Variants in FAM118A observed in about 807,000 individuals in gnomAD.
FAM118A encodes SIR2 antiphage like 2.
FAM118A carries 25 observed loss-of-function variants against 38.2 expected under a neutral mutation model. The ratio of observed to expected loss-of-function variants is 0.65; its 90% CI spans 0.48 to 0.91. The LOEUF (loss-of-function observed/expected upper bound fraction) is 0.91, where lower values mean the gene tolerates loss of function less well. Ranked by LOEUF, FAM118A falls within the 40% of genes least tolerant of loss-of-function variation. The pLI is 0.00. For missense variants in FAM118A, 425 were observed against 463.3 expected (o/e 0.92, Z 0.76); for synonymous variants, 178 against 184.1 (o/e 0.97, Z 0.27).
chr22:45,340,303 G>C, intron 8 of FAM118A, 83 bp from the exon 9 acceptor site: 1 of 1,535,098 alleles, frequency 6.5e-7, no homozygotes, highest in Non-Finnish European at 9.0e-7. Context: ...TTGTAAAGCA[G>C]TTTCTGAAAT....
intron 8 of FAM118A, among the ~76,000 whole-genome samples, chr22:45,336,987 A>G: frequency 6.6e-6 from 1 of 152,252 alleles, no homozygotes; most frequent in East Asian, 1.9e-4. Flanking sequence ...GTATTTGAAT[A>G]GGCCTCTCTG....
chr22:45,325,098 G>A (rs1234773581), intron 3 of FAM118A, among the ~76,000 whole-genome samples: 1 of 152,166 alleles, frequency 6.6e-6, no homozygotes, highest in Non-Finnish European at 1.5e-5. Context: ...ACCCGTCATA[G>A]GAAGAAGAAG....
At chr22:45,337,858 C>T (rs189218490) in intron 8 of FAM118A, 11 of 985,222 alleles carry the variant, frequency 1.1e-5, no homozygotes, top group African/African-American at 3.5e-5. Context: ...CTCATGCTCG[C>T]GGGAGTTTTG....
chr22:45,332,684 C>G lies in FAM118A; in HGVS notation c.911C>G (p.Thr304Ser), dbSNP rs768186599. 1 of 1,609,184 alleles carries G rather than the reference C, an allele frequency of 6.2e-7. No homozygotes were observed. Among genetic ancestry groups the G allele is most frequent in the Non-Finnish European group, 8.5e-7 (1 of 1,176,572 alleles). The change falls in exon 6 of 9, where the codon ACT becomes AGT. Residue 304 changes from threonine (T) to serine (S), a missense_variant. Transcript: ENST00000441876. ...CCAGGATATGTGCAAGACCTTGCCA[C>G]TCAGATCTGCAAACAGCAAAGCCCA... ...HFPGYVQDLA[T>S]QICKQQSPDA...
intron 3 of FAM118A, among the ~76,000 whole-genome samples, chr22:45,326,782 G>A (rs1186993946): frequency 7.3e-6 from 1 of 137,616 alleles, no homozygotes; most frequent in East Asian, 2.2e-4. Flanking sequence ...CCAAGATCAC[G>A]CCACTGCATT....
chr22:45,335,459 C>A, intron 7 of FAM118A, 77 bp downstream of exon 7: 1 of 1,528,222 alleles, frequency 6.5e-7, no homozygotes, highest in South Asian at 1.1e-5. Flanking sequence ...ACTGTAAAAT[C>A]ATAAACGTTT....
intron 3 of FAM118A, 100 bp from the exon 4 acceptor site, chr22:45,327,742 T>A (rs928903450): frequency 6.6e-5 from 81 of 1,230,982 alleles, no homozygotes; most frequent in Admixed American, 3.2e-4. Context: ...TTCTTTGTTT[T>A]CAGCCGCTGT....
intron 8 of FAM118A, 125 bp downstream of exon 8, chr22:45,336,536 T>C (rs1247776391): frequency 2.9e-6 from 2 of 695,092 alleles, no homozygotes; most frequent in African/African-American, 3.6e-5. Context: ...ATACGTTCTG[T>C]CAGGGCCAGA....
intron 1 of FAM118A, among the ~76,000 whole-genome samples, chr22:45,319,721 C>T (rs1451513513): frequency 1.3e-5 from 2 of 152,036 alleles, no homozygotes; most frequent in Admixed American, 6.6e-5. Flanking sequence ...CGGAGAAACT[C>T]AACTTCTGTT....
chr22:45,337,717 G>C (rs910720705), intron 8 of FAM118A: 21 of 463,742 alleles, frequency 4.5e-5, no homozygotes, highest in Admixed American at 6.4e-5. Flanking sequence ...CCTTCTCTCT[G>C]AGATGGAGGC....
chr22:45,316,896 A>C (rs2084631247), intron 1 of FAM118A, among the ~76,000 whole-genome samples: 1 of 152,202 alleles, frequency 6.6e-6, no homozygotes, highest in African/African-American at 2.4e-5. Flanking sequence ...GGTGAGTTAA[A>C]GGTGAGCATT....
chr22:45,325,643 A>G (rs1385429115), intron 3 of FAM118A, among the ~76,000 whole-genome samples: 1 of 152,070 alleles, frequency 6.6e-6, no homozygotes, highest in African/African-American at 2.4e-5. Context: ...TCTGGAAAGG[A>G]TCCAGGTCTT....
chr22:45,336,458 G>A (rs2086103151), intron 8 of FAM118A, 47 bp downstream of exon 8: 3 of 1,478,138 alleles, frequency 2.0e-6, no homozygotes, highest in Non-Finnish European at 2.8e-6. Context: ...GGTCTCTCTT[G>A]TTGGCAGGCA....
chr22:45,323,572 C>T, intron 3 of FAM118A, 145 bp downstream of exon 3: 8 of 1,058,752 alleles, frequency 7.6e-6, no homozygotes, highest in Non-Finnish European at 1.1e-5. Flanking sequence ...ATCCTTGAGT[C>T]CATCGGGGTG....
chr22:45,309,133 C>A (rs886565660), upstream of FAM118A: 5 of 152,240 alleles, frequency 3.3e-5, no homozygotes, highest in African/African-American at 1.2e-4. Flanking sequence ...GACAGGGATG[C>A]GCGAGGAGTC....
intron 1 of FAM118A, among the ~76,000 whole-genome samples, chr22:45,314,217 G>A (rs1024394721): frequency 1.3e-5 from 2 of 152,038 alleles, no homozygotes; most frequent in African/African-American, 4.8e-5. Context: ...TTCCCACCCC[G>A]CCCCCCAAGC....
At chr22:45,329,614 A>G (rs1244841738) in intron 4 of FAM118A, 1 of 152,276 alleles carries the variant, frequency 6.6e-6, no homozygotes, top group Admixed American at 6.5e-5. Flanking sequence ...CGCTCTGTGT[A>G]CAAAGAGACT....
At chr22:45,338,023 G>T (rs1237087675) in intron 8 of FAM118A, 1 of 368,978 alleles carries the variant, frequency 2.7e-6, no homozygotes, top group East Asian at 1.6e-4. Flanking sequence ...CCCTTGATTA[G>T]AAATTCAATG....
intron 1 of FAM118A, among the ~76,000 whole-genome samples, chr22:45,320,135 G>GGTGT (rs766530271): frequency 2.1e-4 from 32 of 151,796 alleles, no homozygotes; most frequent in Non-Finnish European, 4.0e-4. Flanking sequence ...CTAGTGGCTG[G>GGTGT]GTGTGTGTGT....
Sources: allele counts gnomAD v4.1 joint callset (sites outside exome capture counted in the v4.1 genomes callset), GRCh38; gene constraint gnomAD v4.1.1; transcripts MANE v1.5; gene names NCBI Gene and HGNC (gene_info 2026-07-23, HGNC 2026-07-21).